KRT35: variants seen among roughly 807,000 people sequenced by gnomAD.
KRT35 encodes the protein keratin 35.
KRT35 carries 33 observed loss-of-function variants against 42.2 expected under a neutral mutation model. That is an observed-to-expected ratio of 0.78 (90% CI 0.59 to 1.05). KRT35 has a LOEUF of 1.05. Ranked by LOEUF, KRT35 falls within the 50% of genes least tolerant of loss-of-function variation. The pLI, the probability that KRT35 is intolerant of heterozygous loss-of-function variation, is 0.00. For synonymous variants in KRT35, 218 were observed against 238.2 expected, an observed-to-expected ratio of 0.92 and a Z score of 0.78; for missense variants, 585 against 589.2, an observed-to-expected ratio of 0.99 and a Z score of 0.07.
Position 41,479,594 on chromosome 17 carries a change from T to C in KRT35, c.555-91A>G, listed in dbSNP as rs2019227271. ...CAGACTGTCCAGGTGCTGTGAGTCC[T>C]GCTTTTATGCCCCAATGACAGAGTA... On this transcript the variant is annotated intron_variant, in intron 2 of 6. Transcript: ENST00000246639. 1.9e-6 allele frequency: 3 copies of C among 1,568,620 alleles called. No individual in the cohort carries two copies. In the East Asian group the frequency reaches 6.7e-5, roughly 35 times the overall value.
In KRT35 at chr17:41,481,049, T is replaced by C; in HGVS notation, c.49A>G (p.Ser17Gly). The C allele has an allele frequency of 6.2e-7, 1 of 1,613,684 alleles. No homozygotes were observed. The highest frequency in any genetic ancestry group is 8.5e-7 in the Non-Finnish European group (1 of 1,179,890). ...KAGFSSGSLKSPGGASGGSTR... is the reference protein window; with the variant it reads ...KAGFSSGSLKGPGGASGGSTR... ...GAGCCCCCACTGGCCCCTCCTGGGC[T>C]CTTGAGAGACCCAGAAGAGAAGCCG... The change falls in exon 1 of 7, where the codon AGC becomes GGC. Residue 17 changes from serine to glycine, a missense_variant. Coordinates refer to ENST00000246639, the MANE Select transcript of KRT35 (RefSeq NM_002280.6).
chr17:41,478,270 G>A, intron 5 of KRT35, 91 bp downstream of exon 5: 1 of 1,439,414 alleles, frequency 6.9e-7, no homozygotes, highest in Non-Finnish European at 9.5e-7. Flanking sequence ...GACCCCTGGA[G>A]TCCGCCTGTG....
At position 41,478,967 on chromosome 17, in the gene KRT35, C is replaced by T. The variant is rs575058643; in HGVS notation, c.740G>A (p.Gly247Asp). 5 of 1,613,796 alleles carry T rather than the reference C, an allele frequency of 3.1e-6. No individual in the cohort carries two copies. The African/African-American group carries it at 5.3e-5, about 17-fold the overall frequency. ...GTCCACCTCAACATTGAGGCGGTCA[C>T]CAAGTTGGCAGCGCAGTGAGTTCAC... ...EEVNSLRCQL[G>D]DRLNVEVDAA... The change falls in exon 4 of 7, where the codon GGT becomes GAT. Residue 247 changes from glycine (G) to aspartate (D), a missense_variant. Coordinates refer to ENST00000246639, the MANE Select transcript of KRT35 (RefSeq NM_002280.6).
rs2019179167 is a variant in KRT35, at chr17:41,476,986, G to A, written c.*70C>T. 1 of 1,426,808 alleles carries A rather than the reference G, an allele frequency of 7.0e-7. No homozygotes were observed. The highest frequency in any genetic ancestry group is 9.4e-7 in the Non-Finnish European group (1 of 1,058,916). The allele number at this position is 1,426,808 out of a possible 1,614,324, so 88.4% of individuals were successfully genotyped here. On this transcript the variant is annotated 3_prime_UTR_variant, in exon 7 of 7. Transcript: ENST00000246639. ...CGAAGAGAGGGGATTGGGCTACAAG[G>A]GTTAAGTTTGGGTAGAGGCCAAGTT... is the stretch of plus-strand genomic sequence containing the variant.
chr17:41,479,899 A>G, intron 1 of KRT35, 118 bp from the exon 2 acceptor site: 1 of 764,064 alleles, frequency 1.3e-6, no homozygotes, highest in South Asian at 1.6e-5. Context: ...GACCTCTGCT[A>G]CTCCATGTGC....
At chr17:41,478,231 A>T (rs2019205456) in intron 5 of KRT35, 130 bp downstream of exon 5, 1 of 979,522 alleles carries the variant, frequency 1.0e-6, no homozygotes, top group Non-Finnish European at 1.5e-6. Flanking sequence ...TCTTTTCTGC[A>T]TAGAGAACCC....
chr17:41,479,648 C>T, intron 2 of KRT35, 51 bp downstream of exon 2: 1 of 1,584,914 alleles, frequency 6.3e-7, no homozygotes, highest in Non-Finnish European at 8.7e-7. Flanking sequence ...CAGGCATCAC[C>T]TGTGTCCAGT....
rs372428146 is a variant in KRT35, at chr17:41,478,469, C to T, written c.891G>A (p.Gln297=). 84 of 1,614,006 alleles carry T rather than the reference C, an allele frequency of 5.2e-5. No individual in the cohort carries two copies. The Middle Eastern group carries it at 1.2e-3, about 22-fold the overall frequency. ...ACTGCTCTGAGCTGGACACCACCTG[C>T]TGGTTCAGCTCCTCACTCTGAAACA... ...WLDTQSEELN[Q]QVVSSSEQLQ... The change falls in exon 5 of 7, where the codon CAG becomes CAA. Residue 297 remains glutamine, a synonymous_variant. Transcript: ENST00000246639.
At chr17:41,479,143 C>T in intron 3 of KRT35, 148 bp from the exon 4 acceptor site, 1 of 981,752 alleles carries the variant, frequency 1.0e-6, no homozygotes, top group South Asian at 1.6e-5. Flanking sequence ...CACCTCCTCC[C>T]CATGCTCACC....
Position 41,480,715 on chromosome 17 carries a change from C to A in KRT35, c.383G>T (p.Arg128Leu). Reference protein sequence around the residue: ...LEQENASLESRIREWCEQQVP... With the variant: ...LEQENASLESLIREWCEQQVP... ...CTGCTGCTCACACCACTCACGGATG[C>A]GGCTCTCCAGGCTGGCGTTCTCCTG... The change falls in exon 1 of 7, where the codon CGC (arginine) becomes CTC (leucine). Residue 128 changes from arginine to leucine, a missense_variant. Coordinates refer to ENST00000246639, the MANE Select transcript of KRT35 (RefSeq NM_002280.6). 1.2e-6 allele frequency: 2 copies of A among 1,614,202 alleles called. No homozygotes were observed. The highest frequency in any genetic ancestry group is 1.7e-6 in the Non-Finnish European group (2 of 1,180,026).
At position 41,477,052 on chromosome 17, in the gene KRT35, G is replaced by A. The variant is rs370552121; in HGVS notation, c.*4C>T. The A allele has an allele frequency of 2.1e-5, 32 of 1,554,520 alleles. No individual in the cohort carries two copies. Among genetic ancestry groups the A allele is most frequent in the African/African-American group, 1.9e-4 (14 of 72,464 alleles). ...ATAGCCATGGCCATCTGGGTCACCCGCTCTCAGAACCGACCCCCTGGGCAG... is the reference window on the plus strand; with the variant it reads ...ATAGCCATGGCCATCTGGGTCACCCACTCTCAGAACCGACCCCCTGGGCAG... On this transcript the variant is annotated 3_prime_UTR_variant, in exon 7 of 7. Transcript: ENST00000246639.
chr17:41,479,664 C>T, intron 2 of KRT35, 35 bp downstream of exon 2: 1 of 1,600,262 alleles, frequency 6.2e-7, no homozygotes, highest in Non-Finnish European at 8.6e-7. Flanking sequence ...CCAGTTCTAG[C>T]AGCCCCCAAC....
rs777526892 is a variant in KRT35, at chr17:41,477,069, C to T, written c.1355G>A (p.Gly452Glu). Residue 452 changes from glycine (G) to glutamate (E), a missense_variant, in exon 7 of 7, where the codon GGG becomes GAG. By Grantham distance (98) the Gly-to-Glu change is moderately conservative (BLOSUM62 -2). Coordinates refer to ENST00000246639, the MANE Select transcript of KRT35 (RefSeq NM_002280.6). ...GGTCACCCGCTCTCAGAACCGACCC[C>T]CTGGGCAGGGCACACAAATGGGGCG... ...SPRPICVPCPGGRF is the reference protein window; with the variant it reads ...SPRPICVPCPEGRF The T allele has an allele frequency of 7.0e-6, 11 of 1,577,556 alleles. No individual in the cohort carries two copies. The highest frequency in any genetic ancestry group is 4.5e-5 in the East Asian group (2 of 44,594).
At chr17:41,477,790 G>C in intron 5 of KRT35, 52 bp from the exon 6 acceptor site, 2 of 1,560,044 alleles carry the variant, frequency 1.3e-6, no homozygotes. Flanking sequence ...GTCAGAGAAG[G>C]AGCAAGGAAG....
chr17:41,478,896 A>T lies in KRT35; in HGVS notation c.811T>A (p.Cys271Ser), dbSNP rs763612597. 1.5e-5 allele frequency: 25 copies of T among 1,613,790 alleles called. No homozygotes were observed. The highest frequency in any genetic ancestry group is 2.1e-5 in the Non-Finnish European group (25 of 1,179,966). Reference protein sequence around the residue: ...DLNRVLEEMRCQYETLVENNR... With the variant: ...DLNRVLEEMRSQYETLVENNR... ...TTCTCCACCAGGGTTTCATACTGGC[A>T]CCTCATCTCCTCCAGAACTCGGTTC... Residue 271 changes from cysteine to serine, a missense_variant, in exon 4 of 7, where the codon TGC becomes AGC. Cys to Ser is a moderately radical substitution (Grantham distance 112). Transcript: ENST00000246639.
In KRT35 at chr17:41,477,578, C is replaced by T. The variant is rs1368806460; in HGVS notation, c.1160G>A (p.Arg387Gln). 5.6e-6 allele frequency: 9 copies of T among 1,613,674 alleles called. No individual in the cohort carries two copies. Among genetic ancestry groups the T allele is most frequent in the Middle Eastern group, 1.7e-4 (1 of 5,992 alleles). ...GTTGATCTCACACTCCAGCCGGGCC[C>T]GGACGTCCAGCAGCACCTGGTACTC... is the stretch of plus-strand genomic sequence containing the variant. ...NQEYQVLLDV[R>Q]ARLECEINTY... Residue 387 changes from arginine (R) to glutamine (Q), a missense_variant, in exon 6 of 7, where the codon CGG becomes CAG. Coordinates refer to ENST00000246639, the MANE Select transcript of KRT35 (RefSeq NM_002280.6).
chr17:41,477,501 C>T lies in KRT35; in HGVS notation c.1220+17G>A. The T allele has an allele frequency of 6.2e-7, 1 of 1,612,536 alleles. No homozygotes were observed. The highest frequency in any genetic ancestry group is 2.2e-5 in the East Asian group (1 of 44,870). On this transcript the variant is annotated intron_variant, in intron 6 of 6. Coordinates refer to ENST00000246639, the MANE Select transcript of KRT35 (RefSeq NM_002280.6). The stretch of plus-strand genomic sequence containing the variant: ...AGATTGCAGTGAGAAGACAAGAGCA[C>T]ATGCAGTGATACTCACTTGCTGTCC...
At position 41,477,609 on chromosome 17, in the gene KRT35, T is replaced by C; in HGVS notation, c.1129A>G (p.Asn377Asp). 2 of 1,614,254 alleles carry C rather than the reference T, an allele frequency of 1.2e-6. No homozygotes were observed. The highest frequency in any genetic ancestry group is 1.7e-6 in the Non-Finnish European group (2 of 1,180,046). Residue 377 changes from asparagine (N) to aspartate (D), a missense_variant, in exon 6 of 7, where the codon AAC becomes GAC. Asn to Asp is a conservative substitution (Grantham distance 23). Coordinates refer to ENST00000246639, the MANE Select transcript of KRT35 (RefSeq NM_002280.6). ...AEIRADLERQNQEYQVLLDVR... is the reference protein window; with the variant it reads ...AEIRADLERQDQEYQVLLDVR... ...TCCAGCAGCACCTGGTACTCCTGGT[T>C]CTGCCGCTCCAGGTCAGCCCGGATC...
rs150062210 is a variant in KRT35 at position 41,477,199 on chromosome 17, G to A, written c.1225C>T (p.Pro409Ser). Residue 409 changes from proline to serine, a missense_variant, in exon 7 of 7, where the codon CCC (proline) becomes TCC (serine). Transcript: ENST00000246639. ...GLLESEDSKL[P>S]CNPCAPDYSP... Reference sequence around the variant, plus strand: ...TAGTCAGGTGCACATGGGTTACAGGGGAGCCTAGAAAAAAGAAAACAAATT... The same window carrying A: ...TAGTCAGGTGCACATGGGTTACAGGAGAGCCTAGAAAAAAGAAAACAAATT... 11 of 1,613,392 alleles carry A rather than the reference G, an allele frequency of 6.8e-6. No homozygotes were observed. In the Admixed American group the frequency reaches 1.3e-4, roughly 20 times the overall value.
Sources: allele counts gnomAD v4.1 joint callset, GRCh38; gene constraint gnomAD v4.1.1; transcripts MANE v1.5; gene names NCBI Gene and HGNC (gene_info 2026-07-23, HGNC 2026-07-21).